The following EIF3H variants were observed in gnomAD, a reference collection of about 807,000 sequenced individuals.
EIF3H encodes eukaryotic translation initiation factor 3 subunit H, also known as eIF-3-gamma.
A neutral mutation model predicts 44.2 loss-of-function variants in EIF3H; 26 were observed. The observed-to-expected ratio is 0.59, with a 90% CI of 0.43 to 0.82. The LOEUF (loss-of-function observed/expected upper bound fraction) is 0.82, where lower values mean the gene tolerates loss of function less well. Among genes scored for constraint, EIF3H ranks in the 40% least tolerant of loss-of-function variants. The probability of loss-of-function intolerance (pLI) is 0.00; values close to 1 mark genes in which losing one functional copy is unlikely to be tolerated. For synonymous variants in EIF3H, 166 were observed against 151.9 expected, an observed-to-expected ratio of 1.09 and a Z score of -0.68; for missense variants, 359 against 432.8, an observed-to-expected ratio of 0.83 and a Z score of 1.51.
intron 2 of EIF3H, 31 bp downstream of exon 2, chr8:116,725,985 G>C: frequency 6.2e-7 from 1 of 1,604,074 alleles, no homozygotes; most frequent in Non-Finnish European, 8.5e-7. Flanking sequence ...TGTATGCACT[G>C]CAAAGACACA....
At chr8:116,677,328 C>T (rs1457109808) in intron 2 of EIF3H, among the ~76,000 whole-genome samples, 1 of 152,026 alleles carries the variant, frequency 6.6e-6, no homozygotes, top group East Asian at 1.9e-4. Context: ...ACATTTTCAA[C>T]TAAAACATGT....
intron 2 of EIF3H, among the ~76,000 whole-genome samples, chr8:116,682,060 T>C (rs1226458605): frequency 6.6e-6 from 1 of 152,192 alleles, no homozygotes; most frequent in East Asian, 1.9e-4. Flanking sequence ...AATCATAATG[T>C]CAATAGCTGT....
chr8:116,752,708 GA>G (rs1187368352), intron 1 of EIF3H, among the ~76,000 whole-genome samples: 5 of 128,510 alleles, frequency 3.9e-5, no homozygotes, highest in African/African-American at 1.1e-4. Flanking sequence ...AAGAAAGAAA[GA>G]AAGAAAGAAA....
intron 2 of EIF3H, among the ~76,000 whole-genome samples, chr8:116,669,187 A>G (rs1813713721): frequency 6.6e-6 from 1 of 152,236 alleles, no homozygotes; most frequent in Admixed American, 6.5e-5. Context: ...AAAAACACTA[A>G]GCTAATTATA....
chr8:116,731,124 G>C (rs1324110182), intron 1 of EIF3H, among the ~76,000 whole-genome samples: 2 of 152,112 alleles, frequency 1.3e-5, no homozygotes, highest in Non-Finnish European at 2.9e-5. Context: ...GTTATATTTT[G>C]CTTATATGTA....
At chr8:116,656,871 C>T (rs1212485463) in intron 4 of EIF3H, among the ~76,000 whole-genome samples, 2 of 152,076 alleles carry the variant, frequency 1.3e-5, no homozygotes, top group Non-Finnish European at 2.9e-5. Flanking sequence ...GAAAATAAGA[C>T]ACACAGCTCA....
chr8:116,676,723 C>T (rs1427838844), intron 2 of EIF3H, among the ~76,000 whole-genome samples: 1 of 152,194 alleles, frequency 6.6e-6, no homozygotes, highest in Non-Finnish European at 1.5e-5. Flanking sequence ...GATGTTCATC[C>T]TTCAGTCTTG....
At chr8:116,650,374 T>C (rs1813368010) in intron 5 of EIF3H, among the ~76,000 whole-genome samples, 1 of 152,166 alleles carries the variant, frequency 6.6e-6, no homozygotes, top group African/African-American at 2.4e-5. Context: ...ATTCCACTCT[T>C]ATGAATATAC....
intron 2 of EIF3H, among the ~76,000 whole-genome samples, chr8:116,721,234 T>C (rs951297794): frequency 2.6e-5 from 4 of 152,182 alleles, no homozygotes; most frequent in Non-Finnish European, 4.4e-5. Context: ...GCTTGGGCTG[T>C]GGTTTCAGAG....
intron 2 of EIF3H, among the ~76,000 whole-genome samples, chr8:116,667,551 A>C (rs1440540718): frequency 6.6e-6 from 1 of 152,208 alleles, no homozygotes; most frequent in African/African-American, 2.4e-5. Flanking sequence ...AAATTTACAG[A>C]AACAATCTGT....
chr8:116,750,905 A>G (rs1198036829), intron 1 of EIF3H, among the ~76,000 whole-genome samples: 1 of 152,152 alleles, frequency 6.6e-6, no homozygotes, highest in Admixed American at 6.5e-5. Flanking sequence ...TGTTCACGTT[A>G]AATAAACGTT....
At chr8:116,739,376 C>T (rs1394394482) in intron 1 of EIF3H, among the ~76,000 whole-genome samples, 8 of 152,232 alleles carry the variant, frequency 5.3e-5, no homozygotes, top group African/African-American at 9.6e-5. Context: ...GGCGGCCGGG[C>T]GCCATGGCTC....
At chr8:116,674,757 A>G (rs534859303) in intron 2 of EIF3H, among the ~76,000 whole-genome samples, 94 of 152,284 alleles carry the variant, frequency 6.2e-4, no homozygotes, top group South Asian at 1.5e-3. Flanking sequence ...TCTCCAAATA[A>G]TATTTGTCAG....
At chr8:116,698,365 T>C (rs368831607) in intron 2 of EIF3H, among the ~76,000 whole-genome samples, 4 of 152,288 alleles carry the variant, frequency 2.6e-5, no homozygotes, top group Non-Finnish European at 4.4e-5. Context: ...ATGTCACTCA[T>C]GAATGAAAAT....
intron 1 of EIF3H, among the ~76,000 whole-genome samples, chr8:116,729,527 T>A (rs1294518877): frequency 6.6e-6 from 1 of 152,210 alleles, no homozygotes; most frequent in Non-Finnish European, 1.5e-5. Flanking sequence ...ATCAATAGAA[T>A]ACAGCGCTCC....
chr8:116,743,813 C>T (rs1328647837), intron 1 of EIF3H, among the ~76,000 whole-genome samples: 2 of 117,534 alleles, frequency 1.7e-5, no homozygotes, highest in Non-Finnish European at 3.4e-5. Context: ...CACACACACA[C>T]ACACACACAC....
upstream of EIF3H, among the ~76,000 whole-genome samples, chr8:116,759,793 G>T (rs377253001): frequency 3.3e-5 from 5 of 151,964 alleles, no homozygotes; most frequent in African/African-American, 9.7e-5. Flanking sequence ...GTAATGGCAC[G>T]ATCTCAGCTC....
rs771896793 is a variant in EIF3H, at chr8:116,726,029, A to G, written c.276T>C (p.Ala92=). 10 of 1,613,726 alleles carry G rather than the reference A, an allele frequency of 6.2e-6. No individual in the cohort carries two copies. In the East Asian group the frequency reaches 2.0e-4, roughly 32 times the overall value. ...GAACACCCTTACCTTCATCAAAGTCAGCATCATCCTCTGTGTGCTGAGGGA... is the reference window on the plus strand; with the variant it reads ...GAACACCCTTACCTTCATCAAAGTCGGCATCATCCTCTGTGTGCTGAGGGA... ...FPFPQHTEDD[A]DFDEVQYQME... Residue 92 remains alanine (A), a synonymous_variant, in exon 2 of 8, where the codon GCT becomes GCC. Coordinates refer to ENST00000521861, the MANE Select transcript of EIF3H (RefSeq NM_003756.3).
Position 116,697,496 on chromosome 8 carries a change from C to T in EIF3H, c.289+28520G>A, listed in dbSNP as rs75196036. Among the ~76,000 whole-genome samples, 969 of 152,272 alleles carry T rather than the reference C, an allele frequency of 6.4e-3. 10 individuals carry two copies. Among genetic ancestry groups the T allele is most frequent in the African/African-American group, 0.022 (896 of 41,544 alleles). On this transcript the variant is annotated intron_variant, in intron 2 of 7. Coordinates refer to ENST00000521861, the MANE Select transcript of EIF3H (RefSeq NM_003756.3). The stretch of plus-strand genomic sequence containing the variant: ...TTCACCAGTCAGCTTTTGAATTACA[C>T]TGAAATTGTAGGGATGACCACAACC...
Sources: gnomAD v4.1 joint callset for allele counts (sites outside exome capture counted in the v4.1 genomes callset) on GRCh38, gnomAD v4.1.1 for gene constraint, MANE v1.5 for transcripts, NCBI Gene and HGNC (gene_info 2026-07-23, HGNC 2026-07-21) for gene names.